The following HEATR5B variants were observed in gnomAD, a reference collection of about 807,000 sequenced individuals.
HEATR5B encodes the protein HEAT repeat containing 5B.
A neutral mutation model predicts 224.1 loss-of-function variants in HEATR5B; 156 were observed. The observed-to-expected ratio is 0.70, with a 90% CI of 0.61 to 0.80. The LOEUF is 0.80. Ranked by LOEUF, HEATR5B falls within the 30% of genes least tolerant of loss-of-function variation. HEATR5B has a pLI of 0.00. For missense variants in HEATR5B, 2,323 were observed against 2,535.5 expected (o/e 0.92, Z 1.80); for synonymous variants, 1,027 against 893.0 (o/e 1.15, Z -2.68).
At chr2:37,057,169 C>T (rs1223682002) in intron 15 of HEATR5B, 148 bp downstream of exon 15, 7 of 513,088 alleles carry the variant, frequency 1.4e-5, no homozygotes, top group African/African-American at 8.0e-5. Flanking sequence ...TTTTCACTAT[C>T]TACCACCAGG....
Position 37,084,249 on chromosome 2 carries a change from G to A in HEATR5B, c.-23+20C>T, listed in dbSNP as rs961799432. Reference sequence around the variant, plus strand: ...GACAGGAGTCCGTGCGTGTCAACATGCATGCTTCGGCGACCTCACCTCGTA... The same window carrying A: ...GACAGGAGTCCGTGCGTGTCAACATACATGCTTCGGCGACCTCACCTCGTA... On this transcript the variant is annotated intron_variant, in intron 1 of 35. Transcript: ENST00000233099. 5 of 384,300 alleles carry A rather than the reference G, an allele frequency of 1.3e-5. No individual in the cohort carries two copies. Among genetic ancestry groups the A allele is most frequent in the African/African-American group, 1.0e-4 (5 of 48,358 alleles). The allele number at this position is 384,300 out of a possible 1,614,324, so 23.8% of individuals were successfully genotyped here. A position where few individuals can be genotyped will look rare whatever the true frequency, so the allele number is the denominator to read the frequency against.
Position 37,019,848 on chromosome 2 carries a change from T to A in HEATR5B, c.4065A>T (p.Ser1355=), listed in dbSNP as rs755354513. 23 of 1,610,606 alleles carry A rather than the reference T, an allele frequency of 1.4e-5. No homozygotes were observed. The highest frequency in any genetic ancestry group is 2.0e-5 in the Non-Finnish European group (23 of 1,178,566). ...CTATTATATCTGATGGTGTATCTTG[T>A]GAAAAGGCTGGTCTTAGAGCAGCTC... is the stretch of plus-strand genomic sequence containing the variant. The part of the protein sequence containing the change: ...NVGAALRPAF[S]QDTPSDIIAK... The change falls in exon 26 of 36, where the codon TCA becomes TCT. Residue 1355 remains serine (S), a synonymous_variant. Coordinates refer to ENST00000233099, the MANE Select transcript of HEATR5B (RefSeq NM_019024.3).
chr2:37,027,880 G>A, intron 24 of HEATR5B, 43 bp downstream of exon 24: 1 of 1,596,248 alleles, frequency 6.3e-7, no homozygotes, highest in Non-Finnish European at 8.6e-7. Flanking sequence ...ATGTCTCAAG[G>A]TGTAAAAATG....
rs777064937 is a variant in HEATR5B at position 37,040,336 on chromosome 2, T to C, written c.3039A>G (p.Glu1013=). ...LGAIITTVGP[E]LQGNGATTST... ...TTCAGATGATTTACTTACCTTGTAG[T>C]TCAGGGCCAACAGTAGTTATTATAG... The change falls in exon 20 of 36, where the codon GAA becomes GAG. Residue 1013 remains glutamate, a synonymous_variant. Coordinates refer to ENST00000233099, the MANE Select transcript of HEATR5B (RefSeq NM_019024.3). 1 of 1,612,600 alleles carries C rather than the reference T, an allele frequency of 6.2e-7. No homozygotes were observed. The highest frequency in any genetic ancestry group is 8.5e-7 in the Non-Finnish European group (1 of 1,179,148).
intron 27 of HEATR5B, among the ~76,000 whole-genome samples, chr2:37,010,276 A>C (rs1182245305): frequency 6.6e-6 from 1 of 152,172 alleles, no homozygotes; most frequent in Non-Finnish European, 1.5e-5. Flanking sequence ...ACAGTGTTAC[A>C]TCCATTGTAC....
Position 37,049,835 on chromosome 2 carries a change from A to T in HEATR5B, c.2514T>A (p.Ala838=). 1.3e-6 allele frequency: 2 copies of T among 1,517,384 alleles called. No individual in the cohort carries two copies. 94.0% of individuals were successfully genotyped at this position (1,517,384 alleles called of 1,614,324 possible). A position where few individuals can be genotyped will look rare whatever the true frequency, so the allele number is the denominator to read the frequency against. Residue 838 remains alanine, a synonymous_variant, in exon 18 of 36, where the codon GCT becomes GCA. Coordinates refer to ENST00000233099, the MANE Select transcript of HEATR5B (RefSeq NM_019024.3). ...CAGGTCCTAAAGTACTTTTGTTTTC[A>T]GCTAAGCCCTACATTAAAAAAAAAA... is the stretch of plus-strand genomic sequence containing the variant. ...TAVLSALKGL[A]ENKSTLGPEE...
At chr2:37,008,890 T>G in intron 27 of HEATR5B, 42 bp from the exon 28 acceptor site, 1 of 1,150,268 alleles carries the variant, frequency 8.7e-7, no homozygotes, top group Non-Finnish European at 1.3e-6. Context: ...AGGCATAAGA[T>G]AAAAAAATAA....
At chr2:37,062,082 T>A in intron 10 of HEATR5B, 32 bp from the exon 11 acceptor site, 1 of 1,251,294 alleles carries the variant, frequency 8.0e-7, no homozygotes, top group East Asian at 2.3e-5. Context: ...GGATTTTAAT[T>A]CAAACAAGTT....
Position 37,000,639 on chromosome 2 carries a change from CA to C in HEATR5B, c.5491del (p.Trp1831GlyfsTer4), listed in dbSNP as rs1262221262. On this transcript the variant is annotated frameshift_variant, in exon 33 of 36. Transcript: ENST00000233099. LOFTEE classifies it high-confidence loss of function. ...AKTEAGVQKQ[W>X]TALIRSTLAC... is the part of the protein sequence containing the mutation. ...AAGCGTGCTACGAATCAGAGCTGTC[CA>C]CTGTTTTTGAACGCCAGCCTCAGTT... The C allele has an allele frequency of 6.2e-7, 1 of 1,614,172 alleles. No homozygotes were observed.
rs1668760764 is a variant in HEATR5B at position 37,026,190 on chromosome 2, A to G, written c.3853+1733T>C. ...TTAACGCTGCTGGCTTTGAAGAGAG[A>G]GAGGGAGCCGTGAGCCAGGGAGTGC... On this transcript the variant is annotated intron_variant, in intron 24 of 35. Coordinates refer to ENST00000233099, the MANE Select transcript of HEATR5B (RefSeq NM_019024.3). Among the ~76,000 whole-genome samples the G allele has an allele frequency of 2.0e-5, 3 of 152,234 alleles. No individual in the cohort carries two copies. In the South Asian group the frequency reaches 6.2e-4, roughly 32 times the overall value.
intron 18 of HEATR5B, among the ~76,000 whole-genome samples, chr2:37,049,199 C>A (rs982291248): frequency 1.3e-5 from 2 of 152,096 alleles, no homozygotes; most frequent in African/African-American, 2.4e-5. Context: ...ATCCTTAAAA[C>A]CTGATGCTTA....
In HEATR5B at chr2:37,040,496, G is replaced by A. The variant is rs1046122481; in HGVS notation, c.2879C>T (p.Ala960Val). 3 of 1,608,702 alleles carry A rather than the reference G, an allele frequency of 1.9e-6. No homozygotes were observed. In the African/African-American group the frequency reaches 4.0e-5, roughly 22 times the overall value. ...CGGACCACTAGAATCCACTATCAAAGCAAGTGAATGAAGAGACCAAGTCTA... is the reference window on the plus strand; with the variant it reads ...CGGACCACTAGAATCCACTATCAAAACAAGTGAATGAAGAGACCAAGTCTA... ...EVQTWSLHSL[A>V]LIVDSSGPMY... Residue 960 changes from alanine to valine, a missense_variant, in exon 20 of 36, where the codon GCT (alanine) becomes GTT (valine). By Grantham distance (64) the Ala-to-Val change is moderately conservative. This residue lies in a region of HEATR5B where 44 missense variants were observed against 39.0 expected (regional missense o/e 1.13). Coordinates refer to ENST00000233099, the MANE Select transcript of HEATR5B (RefSeq NM_019024.3).
At chr2:37,039,369 G>C (rs1406837617) in intron 20 of HEATR5B, among the ~76,000 whole-genome samples, 1 of 151,990 alleles carries the variant, frequency 6.6e-6, no homozygotes, top group Non-Finnish European at 1.5e-5. Context: ...AGGAGGCTGA[G>C]GCAGGAGAAT....
At chr2:37,046,548 A>C (rs1670204521) in intron 18 of HEATR5B, among the ~76,000 whole-genome samples, 2 of 151,772 alleles carry the variant, frequency 1.3e-5, no homozygotes, top group African/African-American at 4.8e-5. Flanking sequence ...CTGAGGCACA[A>C]GAATCACTTG....
At chr2:37,053,352 T>TAAAG in intron 17 of HEATR5B, 150 bp downstream of exon 17, 1 of 419,020 alleles carries the variant, frequency 2.4e-6, no homozygotes, top group East Asian at 3.5e-5. Flanking sequence ...GAGCCTAACA[T>TAAAG]AAAGTTTCAA....
Position 37,008,791 on chromosome 2 carries a change from T to C in HEATR5B, c.4342A>G (p.Ile1448Val), listed in dbSNP as rs774918160. Residue 1448 changes from isoleucine to valine, a missense_variant, in exon 28 of 36, where the codon ATT becomes GTT. By Grantham distance (29) the Ile-to-Val change is conservative (BLOSUM62 3). Coordinates refer to ENST00000233099, the MANE Select transcript of HEATR5B (RefSeq NM_019024.3). ...TCATCATCATCGTCAGTATTTTTAATTGCTCTTTTTGGTTTTGACTCTGCT... is the reference window on the plus strand; with the variant it reads ...TCATCATCATCGTCAGTATTTTTAACTGCTCTTTTTGGTTTTGACTCTGCT... ...KEAESKPKRA[I>V]KNTDDDDDDC... is the part of the protein sequence containing the mutation. 7.4e-6 allele frequency: 12 copies of C among 1,614,040 alleles called. No individual in the cohort carries two copies. The highest frequency in any genetic ancestry group is 4.0e-5 in the African/African-American group (3 of 74,928).
chr2:37,026,141 C>T (rs555155612), intron 24 of HEATR5B, among the ~76,000 whole-genome samples: 177 of 152,188 alleles, frequency 1.2e-3, no homozygotes, highest in African/African-American at 4.0e-3. Context: ...AGACATGTGA[C>T]GACTGAAGAA....
intron 8 of HEATR5B, among the ~76,000 whole-genome samples, chr2:37,066,603 G>C (rs190902283): frequency 1.3e-5 from 2 of 151,996 alleles, no homozygotes; most frequent in East Asian, 3.9e-4. Context: ...CACTAGAATC[G>C]AAATGTGTTT....
chr2:37,034,365 G>C (rs1363671452), intron 21 of HEATR5B, among the ~76,000 whole-genome samples: 1 of 138,986 alleles, frequency 7.2e-6, no homozygotes, highest in Non-Finnish European at 1.6e-5. Context: ...TGTAATCCCA[G>C]CACTTTGGGA....
Sources: gnomAD v4.1 joint callset for allele counts (sites outside exome capture counted in the v4.1 genomes callset) on GRCh38, gnomAD v4.1.1 for gene constraint, gnomAD v4.1.1 regional missense constraint, MANE v1.5 for transcripts, NCBI Gene and HGNC (gene_info 2026-07-23, HGNC 2026-07-21) for gene names.